CASD1: variants seen among roughly 807,000 people sequenced by gnomAD.
CASD1 encodes the protein CAS1 domain sialic acid O acetyltransferase 1, also known as N-acetylneuraminate (7)9-O-acetyltransferase.
Under a neutral mutation model 100.0 loss-of-function variants are expected in CASD1, and 41 were observed. That is an observed-to-expected ratio of 0.41 (90% CI 0.32 to 0.53). The LOEUF (loss-of-function observed/expected upper bound fraction) is 0.53. Among genes scored for constraint, CASD1 ranks in the 20% least tolerant of loss-of-function variants. CASD1 has a pLI of 0.25. For missense variants in CASD1, 774 were observed against 948.7 expected (o/e 0.82, Z 2.42); for synonymous variants, 321 against 315.6 (o/e 1.02, Z -0.18).
the CASD1 span, chr7:94,598,718 G>A: frequency 8.7e-7 from 1 of 1,146,764 alleles, no homozygotes. Flanking sequence ...GTTCTTTACA[G>A]ATATTAGTAA....
chr7:94,526,290 C>G (rs192373859), intron 3 of CASD1, among the ~76,000 whole-genome samples: 1 of 152,334 alleles, frequency 6.6e-6, no homozygotes, highest in Non-Finnish European at 1.5e-5. Flanking sequence ...ATTTTTACTA[C>G]CTTCTAGAGT....
the CASD1 span, chr7:94,599,026 A>AATTTGAAAATTATGAAGT: frequency 8.3e-7 from 1 of 1,204,328 alleles, no homozygotes; most frequent in Non-Finnish European, 1.2e-6. Context: ...ATGGGTCATC[A>AATTTGAAAATTATGAAGT]ATTTGAAAAA....
downstream of CASD1, among the ~76,000 whole-genome samples, chr7:94,558,869 G>C (rs1796289765): frequency 6.6e-6 from 1 of 151,988 alleles, no homozygotes; most frequent in Non-Finnish European, 1.5e-5. Context: ...GCGTGATCTT[G>C]GCTTACTGCA....
chr7:94,515,335 A>G (rs1372755502), intron 1 of CASD1, among the ~76,000 whole-genome samples: 2 of 151,994 alleles, frequency 1.3e-5, no homozygotes, highest in Non-Finnish European at 2.9e-5. Context: ...AATTTCTTCC[A>G]TGGAAAGCTC....
the CASD1 span, chr7:94,586,793 C>T: frequency 2.0e-6 from 2 of 981,182 alleles, no homozygotes; most frequent in Non-Finnish European, 2.4e-6. Flanking sequence ...TGAGCCACCG[C>T]ACCCAGCCTC....
intron 1 of CASD1, among the ~76,000 whole-genome samples, chr7:94,513,342 T>G (rs546205100): frequency 6.6e-6 from 1 of 151,996 alleles, no homozygotes; most frequent in Admixed American, 6.6e-5. Context: ...GTTTTTCTAT[T>G]TTTTTTTCCA....
the CASD1 span, among the ~76,000 whole-genome samples, chr7:94,584,512 C>A: frequency 6.6e-6 from 1 of 152,192 alleles, no homozygotes; most frequent in African/African-American, 2.4e-5. Context: ...ACAGAGTATT[C>A]TCCCTAAGTG....
At chr7:94,572,772 T>G in the CASD1 span, among the ~76,000 whole-genome samples, 8 of 152,304 alleles carry the variant, frequency 5.3e-5, no homozygotes, top group South Asian at 1.7e-3. Context: ...TTGTTTTGAT[T>G]GCTTCTGGTG....
the CASD1 span, chr7:94,589,883 T>C: frequency 6.5e-6 from 1 of 153,424 alleles, no homozygotes; most frequent in East Asian, 1.9e-4. Flanking sequence ...GCATAATAAA[T>C]GCAATGCACT....
Position 94,528,170 on chromosome 7 carries a change from C to A in CASD1, c.397-18C>A. ...AGTTTCTTCAACTTTTTCTTTACTT[C>A]TAACATTTCTCTTTTAGGATTTTCT... is the stretch of plus-strand genomic sequence containing the variant. On this transcript the variant is annotated intron_variant, in intron 4 of 17. Coordinates refer to ENST00000297273, the MANE Select transcript of CASD1 (RefSeq NM_022900.5). 2 of 1,562,254 alleles carry A rather than the reference C, an allele frequency of 1.3e-6. No homozygotes were observed. The highest frequency in any genetic ancestry group is 1.4e-5 in the African/African-American group (1 of 73,134).
the CASD1 span, among the ~76,000 whole-genome samples, chr7:94,566,898 T>C: frequency 2.6e-5 from 4 of 152,154 alleles, no homozygotes; most frequent in African/African-American, 9.7e-5. Context: ...CCTCGGCTCA[T>C]CATGGTGTGG....
chr7:94,564,866 T>C, the CASD1 span, among the ~76,000 whole-genome samples: 3 of 152,302 alleles, frequency 2.0e-5, no homozygotes, highest in South Asian at 6.2e-4. Flanking sequence ...GTACTCTATA[T>C]CTTTGTCATT....
At chr7:94,534,428 AT>A (rs1795016268) in intron 7 of CASD1, among the ~76,000 whole-genome samples, 1 of 152,162 alleles carries the variant, frequency 6.6e-6, no homozygotes, top group Non-Finnish European at 1.5e-5. Context: ...CATAATATTA[AT>A]AAAGTCATTA....
the CASD1 span, chr7:94,600,005 G>A: frequency 3.2e-6 from 1 of 309,988 alleles, no homozygotes; most frequent in African/African-American, 2.2e-5. Flanking sequence ...CAAGCTACAT[G>A]TAAAAATGAA....
chr7:94,528,373 G>A, intron 5 of CASD1, 123 bp downstream of exon 5: 1 of 640,578 alleles, frequency 1.6e-6, no homozygotes, highest in South Asian at 2.1e-5. Context: ...CTTCTTAATA[G>A]CAACTAAACT....
the CASD1 span, chr7:94,587,727 C>A: frequency 6.5e-7 from 1 of 1,533,340 alleles, no homozygotes; most frequent in Non-Finnish European, 8.8e-7. Flanking sequence ...GGGAAAAATT[C>A]TGATAAACAT....
the CASD1 span, among the ~76,000 whole-genome samples, chr7:94,586,057 A>G: frequency 7.1e-6 from 1 of 141,246 alleles, no homozygotes; most frequent in African/African-American, 2.7e-5. Context: ...ACAAGGAACT[A>G]AATGAAAAAA....
chr7:94,560,050 C>G (rs528995909), downstream of CASD1, among the ~76,000 whole-genome samples: 1 of 152,092 alleles, frequency 6.6e-6, no homozygotes, highest in Non-Finnish European at 1.5e-5. Context: ...TTGTCTTTCT[C>G]TTTTCTATCC....
downstream of CASD1, among the ~76,000 whole-genome samples, chr7:94,560,343 A>C (rs1198216873): frequency 6.6e-6 from 1 of 152,180 alleles, no homozygotes; most frequent in Admixed American, 6.6e-5. Context: ...CTTCCATTTT[A>C]TCCCCACCTC....
Sources: allele counts gnomAD v4.1 joint callset (sites outside exome capture counted in the v4.1 genomes callset), GRCh38; gene constraint gnomAD v4.1.1; transcripts MANE v1.5; gene names NCBI Gene and HGNC (gene_info 2026-07-23, HGNC 2026-07-21).